Variants in RASSF8 observed in about 807,000 individuals in gnomAD.
RASSF8 encodes the protein ras association domain-containing protein 8.
A neutral mutation model predicts 48.5 loss-of-function variants in RASSF8; 22 were observed. That is an observed-to-expected ratio of 0.45 (90% CI 0.32 to 0.65). RASSF8 has a LOEUF of 0.65. Among genes scored for constraint, RASSF8 ranks in the 30% least tolerant of loss-of-function variants. RASSF8 has a pLI of 0.03. For synonymous variants in RASSF8, 127 were observed against 171.5 expected (o/e 0.74, Z 2.03); for missense variants, 418 against 489.2 (o/e 0.85, Z 1.37).
At chr12:26,058,538 GCACA>G (rs61465811) in intron 3 of RASSF8, among the ~76,000 whole-genome samples, 56,328 of 148,972 alleles carry the variant, frequency 0.38, 11,504 homozygotes, top group Non-Finnish European at 0.48. Context: ...ACGCGCGCGC[GCACA>G]CACACACACA....
chr12:26,073,474 C>T (rs1042420127), downstream of RASSF8, among the ~76,000 whole-genome samples: 35 of 152,270 alleles, frequency 2.3e-4, no homozygotes, highest in African/African-American at 7.0e-4. Flanking sequence ...CAGTGGCTCA[C>T]GCCTATAATC....
At chr12:26,067,487 T>G (rs936630473) in intron 4 of RASSF8, 82 bp from the exon 5 acceptor site, 11 of 1,387,378 alleles carry the variant, frequency 7.9e-6, no homozygotes, top group Non-Finnish European at 1.1e-5. Flanking sequence ...TTAACCCCTG[T>G]AGCAGATGGA....
intron 2 of RASSF8, among the ~76,000 whole-genome samples, chr12:26,043,703 A>C (rs1943313726): frequency 6.6e-6 from 1 of 152,202 alleles, no homozygotes; most frequent in Non-Finnish European, 1.5e-5. Flanking sequence ...TAGATGAATA[A>C]ATTGTGGTTT....
In RASSF8 at chr12:25,976,907, G is replaced by A. The variant is rs75070595; in HGVS notation, c.-203+17759G>A. On this transcript the variant is annotated intron_variant, in intron 1 of 5. Transcript: ENST00000689635. The stretch of plus-strand genomic sequence containing the variant: ...TGCTTGGGACCTCCTGGTTTTGCAC[G>A]AAAGTTGTGAATTTAGCCTATAATT... Among the ~76,000 whole-genome samples, 709 of 152,224 alleles carry A rather than the reference G, an allele frequency of 4.7e-3. 22 individuals are homozygous for A. Among genetic ancestry groups the A allele is most frequent in the Admixed American group, 0.038 (575 of 15,288 alleles).
intron 3 of RASSF8, among the ~76,000 whole-genome samples, chr12:26,059,638 CAT>C (rs1480167233): frequency 6.6e-6 from 1 of 152,134 alleles, no homozygotes; most frequent in Non-Finnish European, 1.5e-5. Flanking sequence ...TAATTTTCCA[CAT>C]ATTCATTTGC....
intron 2 of RASSF8, among the ~76,000 whole-genome samples, chr12:26,019,038 G>C (rs1450622653): frequency 6.6e-6 from 1 of 152,208 alleles, no homozygotes; most frequent in African/African-American, 2.4e-5. Context: ...GAGGTCTTTT[G>C]GGTCATAGGT....
intron 2 of RASSF8, among the ~76,000 whole-genome samples, chr12:26,012,325 G>T (rs1404790173): frequency 6.6e-6 from 1 of 152,162 alleles, no homozygotes; most frequent in African/African-American, 2.4e-5. Flanking sequence ...TATAACAAAA[G>T]CTCTCAGGCA....
At chr12:26,051,320 G>A (rs767403759) in intron 2 of RASSF8, among the ~76,000 whole-genome samples, 1 of 152,164 alleles carries the variant, frequency 6.6e-6, no homozygotes, top group East Asian at 1.9e-4. Flanking sequence ...AAATCACTGG[G>A]CATGTGTGAA....
At chr12:25,987,600 G>T (rs1409343603) in intron 1 of RASSF8, among the ~76,000 whole-genome samples, 1 of 151,970 alleles carries the variant, frequency 6.6e-6, no homozygotes, top group Non-Finnish European at 1.5e-5. Context: ...GCTTTTCTTT[G>T]CACTGAAATA....
intron 2 of RASSF8, among the ~76,000 whole-genome samples, chr12:26,025,154 A>G (rs1037832449): frequency 5.9e-5 from 9 of 152,154 alleles, no homozygotes; most frequent in Non-Finnish European, 1.3e-4. Context: ...CAGCCAAAAG[A>G]CTGAATGCTT....
rs1944008804 is a variant in RASSF8, at chr12:26,071,932, T to C, written c.*3114T>C. The C allele has an allele frequency of 9.1e-6, 9 of 985,268 alleles. No homozygotes were observed. The highest frequency in any genetic ancestry group is 4.7e-5 in the South Asian group (1 of 21,292). 61.0% of individuals were successfully genotyped at this position (985,268 alleles called of 1,614,324 possible). A position where few individuals can be genotyped will look rare whatever the true frequency, so the allele number is the denominator to read the frequency against. On this transcript the variant is annotated 3_prime_UTR_variant, in exon 6 of 6. Transcript: ENST00000689635. ...TTACATCTGCATTAAAGGATAATTT[T>C]CTCTGTGAATAAGAGCAAAATGGTC...
At chr12:25,979,770 T>C (rs1232705926) in intron 1 of RASSF8, among the ~76,000 whole-genome samples, 2 of 152,124 alleles carry the variant, frequency 1.3e-5, no homozygotes, top group African/African-American at 2.4e-5. Flanking sequence ...AGGAGAGAGG[T>C]TGAGTACCCA....
At position 26,059,043 on chromosome 12, in the gene RASSF8, A is replaced by AT. The variant is rs1490699010; in HGVS notation, c.103+3604dup. Among the ~76,000 whole-genome samples, 4 of 152,184 alleles carry AT rather than the reference A, an allele frequency of 2.6e-5. No individual in the cohort carries two copies. The East Asian group carries it at 5.8e-4, about 22-fold the overall frequency. Reference sequence around the variant, plus strand: ...CCCCTGTAAAATATCTCAGAAATGCATTTTTTTCAGAGTCTAAACTGCTTC... The same window carrying AT: ...CCCCTGTAAAATATCTCAGAAATGCATTTTTTTTCAGAGTCTAAACTGCTTC... On this transcript the variant is annotated intron_variant, in intron 3 of 5. Transcript: ENST00000689635.
chr12:26,066,197 C>G (rs753434081), intron 4 of RASSF8, among the ~76,000 whole-genome samples: 2 of 152,202 alleles, frequency 1.3e-5, no homozygotes, highest in Non-Finnish European at 2.9e-5. Flanking sequence ...CGTGCAGACA[C>G]AGAACATTTC....
chr12:26,002,926 T>C (rs1942295919), intron 2 of RASSF8, among the ~76,000 whole-genome samples: 1 of 152,236 alleles, frequency 6.6e-6, no homozygotes, highest in African/African-American at 2.4e-5. Flanking sequence ...TTTATTATTT[T>C]AGCACATTGT....
At chr12:26,016,333 T>C (rs922902913) in intron 2 of RASSF8, among the ~76,000 whole-genome samples, 1 of 152,108 alleles carries the variant, frequency 6.6e-6, no homozygotes, top group Non-Finnish European at 1.5e-5. Context: ...GCTTTGGTTA[T>C]AGTGGTCCTT....
intron 1 of RASSF8, among the ~76,000 whole-genome samples, chr12:25,971,696 T>G (rs889442091): frequency 1.6e-4 from 24 of 152,280 alleles, no homozygotes; most frequent in African/African-American, 5.3e-4. Flanking sequence ...AAATGTACTG[T>G]GCTTTTGCAT....
intron 1 of RASSF8, among the ~76,000 whole-genome samples, chr12:25,979,635 CTG>C (rs990515072): frequency 5.3e-5 from 8 of 152,178 alleles, no homozygotes; most frequent in African/African-American, 1.9e-4. Flanking sequence ...TCTGCAAAAA[CTG>C]AGACAGAATA....
Position 26,070,556 on chromosome 12 carries a change from C to G in RASSF8, c.*1738C>G, listed in dbSNP as rs886678376. ...TGATTCTTACCTAAATAACCACAACCTGTACACATTTGCTCACAATTTATA... is the reference window on the plus strand; with the variant it reads ...TGATTCTTACCTAAATAACCACAACGTGTACACATTTGCTCACAATTTATA... On this transcript the variant is annotated 3_prime_UTR_variant, in exon 6 of 6. Transcript: ENST00000689635. 1.0e-6 allele frequency: 1 copy of G among 980,142 alleles called. No homozygotes were observed. The highest frequency in any genetic ancestry group is 1.2e-6 in the Non-Finnish European group (1 of 825,170). The allele number at this position is 980,142 out of a possible 1,614,324, so 60.7% of individuals were successfully genotyped here.
Sources: gnomAD v4.1 joint callset for allele counts (sites outside exome capture counted in the v4.1 genomes callset) on GRCh38, gnomAD v4.1.1 for gene constraint, MANE v1.5 for transcripts, NCBI Gene and HGNC (gene_info 2026-07-23, HGNC 2026-07-21) for gene names.